The following FSHR variants were observed in gnomAD, a reference collection of about 807,000 sequenced individuals.
FSHR encodes follicle-stimulating hormone receptor.
In FSHR, 46 loss-of-function variants were observed where a neutral mutation model predicts 52.1. The observed-to-expected ratio is 0.88, with a 90% CI of 0.70 to 1.13. The LOEUF is 1.13. FSHR is among the 50% of genes most tolerant of loss of function. FSHR has a pLI of 0.00. For missense variants in FSHR, 964 were observed against 834.6 expected, an observed-to-expected ratio of 1.16 and a Z score of -1.91; for synonymous variants, 399 against 309.6, an observed-to-expected ratio of 1.29 and a Z score of -3.03.
intron 1 of FSHR, among the ~76,000 whole-genome samples, chr2:49,074,566 G>C (rs1669876643): frequency 6.6e-6 from 1 of 152,080 alleles, no homozygotes; most frequent in Non-Finnish European, 1.5e-5. Context: ...TACTGTTGCT[G>C]GGAAAATAAA....
intron 1 of FSHR, among the ~76,000 whole-genome samples, chr2:49,120,141 C>A (rs1572769963): frequency 6.6e-6 from 1 of 152,100 alleles, no homozygotes; most frequent in Non-Finnish European, 1.5e-5. Flanking sequence ...CATGGTGGTG[C>A]CTGCCTGTAA....
intron 4 of FSHR, among the ~76,000 whole-genome samples, chr2:49,008,951 C>T (rs543010206): frequency 7.4e-4 from 112 of 152,062 alleles, no homozygotes; most frequent in African/African-American, 2.4e-3. Context: ...AAGTAGGTTG[C>T]GAAAATTTTC....
At chr2:49,029,054 A>C (rs1668009974) in intron 2 of FSHR, among the ~76,000 whole-genome samples, 1 of 152,208 alleles carries the variant, frequency 6.6e-6, no homozygotes, top group South Asian at 2.1e-4. Context: ...TGAAAAGTGG[A>C]TACATACAGT....
intron 8 of FSHR, among the ~76,000 whole-genome samples, chr2:48,970,704 AGTT>A (rs760141786): frequency 6.6e-6 from 1 of 152,144 alleles, no homozygotes; most frequent in Non-Finnish European, 1.5e-5. Context: ...CCACATAATC[AGTT>A]GTTCTTTGAA....
intron 2 of FSHR, among the ~76,000 whole-genome samples, chr2:49,057,919 T>A (rs1669125493): frequency 6.6e-6 from 1 of 152,154 alleles, no homozygotes; most frequent in South Asian, 2.1e-4. Context: ...AAGGACAAAA[T>A]TCATATGACC....
At chr2:49,086,939 A>G (rs562066666) in intron 1 of FSHR, among the ~76,000 whole-genome samples, 1 of 152,226 alleles carries the variant, frequency 6.6e-6, no homozygotes, top group Non-Finnish European at 1.5e-5. Context: ...TGGCCCAGGC[A>G]TCCTTATTTT....
At chr2:49,094,084 C>G (rs186768161) in intron 1 of FSHR, among the ~76,000 whole-genome samples, 3 of 152,120 alleles carry the variant, frequency 2.0e-5, no homozygotes, top group Admixed American at 1.3e-4. Context: ...CTCCTTTCTT[C>G]CTTCTTTTGG....
At chr2:48,978,579 G>A (rs530863887) in intron 8 of FSHR, among the ~76,000 whole-genome samples, 20 of 152,250 alleles carry the variant, frequency 1.3e-4, no homozygotes, top group African/African-American at 4.8e-4. Flanking sequence ...TTCCCCACAG[G>A]AAACTGTTTC....
In FSHR at chr2:48,976,647, C is replaced by T. The variant is rs921828300; in HGVS notation, c.668+6265G>A. On this transcript the variant is annotated intron_variant, in intron 8 of 9. Transcript: ENST00000406846. Reference sequence around the variant, plus strand: ...TTGGTTGGTAGGCTATTAGTTACTGCCTCAATTTCTGAACTTGTTATTGGT... The same window carrying T: ...TTGGTTGGTAGGCTATTAGTTACTGTCTCAATTTCTGAACTTGTTATTGGT... 2.0e-5 allele frequency among the ~76,000 whole-genome samples: 3 copies of T among 152,106 alleles called. No individual in the cohort carries two copies. In the East Asian group the frequency reaches 5.8e-4, roughly 29 times the overall value.
chr2:49,073,245 A>C (rs566495225), intron 1 of FSHR, among the ~76,000 whole-genome samples: 1 of 152,078 alleles, frequency 6.6e-6, no homozygotes, highest in Non-Finnish European at 1.5e-5. Context: ...AGGTCATCCA[A>C]ATTGGAAAAG....
chr2:49,030,925 C>T (rs2104254647), intron 2 of FSHR, among the ~76,000 whole-genome samples: 1 of 152,250 alleles, frequency 6.6e-6, no homozygotes, highest in South Asian at 2.1e-4. Context: ...TTTTTAAATG[C>T]TTCCTATTTT....
chr2:49,053,429 C>T (rs1425183910), intron 2 of FSHR, among the ~76,000 whole-genome samples: 1 of 152,146 alleles, frequency 6.6e-6, no homozygotes, highest in Non-Finnish European at 1.5e-5. Flanking sequence ...CTACTCCCCC[C>T]ACCCTATTCA....
At chr2:49,072,418 A>G (rs1669771130) in intron 1 of FSHR, among the ~76,000 whole-genome samples, 1 of 152,204 alleles carries the variant, frequency 6.6e-6, no homozygotes, top group Admixed American at 6.6e-5. Context: ...ATTGTACCAG[A>G]AAAGGAAACA....
chr2:49,147,880 G>A lies in FSHR; in HGVS notation c.152+6386C>T, dbSNP rs147476653. The stretch of plus-strand genomic sequence containing the variant: ...GGATTATGTATATATTAGTGTGAAC[G>A]CTGTGCTGTTTGTTTCTGTCAAAGA... On this transcript the variant is annotated intron_variant, in intron 1 of 9. Coordinates refer to ENST00000406846, the MANE Select transcript of FSHR (RefSeq NM_000145.4). Among the ~76,000 whole-genome samples, 54 of 151,968 alleles carry A rather than the reference G, an allele frequency of 3.6e-4. 1 individual carries two copies. The highest frequency in any genetic ancestry group is 1.0e-3 in the African/African-American group (43 of 41,492).
At chr2:49,127,698 A>C (rs1672057357) in intron 1 of FSHR, among the ~76,000 whole-genome samples, 1 of 151,224 alleles carries the variant, frequency 6.6e-6, no homozygotes, top group Admixed American at 6.6e-5. Context: ...AATTCCCCTA[A>C]GACTTGTGTA....
chr2:49,125,735 G>C (rs76381703), intron 1 of FSHR, among the ~76,000 whole-genome samples: 1,705 of 152,258 alleles, frequency 0.011, 26 homozygotes, highest in African/African-American at 0.038. Context: ...GACTGTTGTT[G>C]TTTGTAAATA....
At chr2:48,975,456 G>A (rs779671988) in intron 8 of FSHR, among the ~76,000 whole-genome samples, 4 of 152,112 alleles carry the variant, frequency 2.6e-5, no homozygotes, top group Non-Finnish European at 4.4e-5. Flanking sequence ...GTGCATGTCT[G>A]TCTCCTTGTT....
At chr2:49,073,119 G>A (rs1669311158) in intron 1 of FSHR, among the ~76,000 whole-genome samples, 1 of 152,006 alleles carries the variant, frequency 6.6e-6, no homozygotes, top group African/African-American at 2.4e-5. Flanking sequence ...TCTTATGGAT[G>A]CTTTCACATT....
chr2:49,046,029 T>C (rs138568595), intron 2 of FSHR, among the ~76,000 whole-genome samples: 2 of 152,310 alleles, frequency 1.3e-5, no homozygotes, highest in African/African-American at 4.8e-5. Context: ...AAAACTCACC[T>C]ACATGACTTC....
Sources: allele counts gnomAD v4.1 joint callset (sites outside exome capture counted in the v4.1 genomes callset), GRCh38; gene constraint gnomAD v4.1.1; transcripts MANE v1.5; gene names NCBI Gene and HGNC (gene_info 2026-07-23, HGNC 2026-07-21).